The following TRIM9 variants were observed in gnomAD, a reference collection of about 807,000 sequenced individuals.
The protein encoded by TRIM9 is E3 ubiquitin-protein ligase TRIM9.
In TRIM9, 26 loss-of-function variants were observed where a neutral mutation model predicts 78.3. The observed-to-expected ratio is 0.33, with a 90% CI of 0.24 to 0.46. The LOEUF (loss-of-function observed/expected upper bound fraction) is 0.46. Ranked by LOEUF, TRIM9 falls within the 20% of genes least tolerant of loss-of-function variation. TRIM9 has a pLI of 1.00. For missense variants in TRIM9, 787 were observed against 1,036.4 expected, an observed-to-expected ratio of 0.76 and a Z score of 3.30; for synonymous variants, 398 against 416.5, an observed-to-expected ratio of 0.96 and a Z score of 0.54.
intron 1 of TRIM9, among the ~76,000 whole-genome samples, chr14:51,042,462 G>T (rs1489689102): frequency 1.3e-5 from 2 of 152,110 alleles, no homozygotes; most frequent in Non-Finnish European, 2.9e-5. Context: ...CTAAACCAAA[G>T]ATTTCCCTTT....
chr14:51,028,581 G>A (rs1018205222), intron 1 of TRIM9, among the ~76,000 whole-genome samples: 2 of 152,230 alleles, frequency 1.3e-5, no homozygotes, highest in Non-Finnish European at 2.9e-5. Flanking sequence ...CAAATATGTA[G>A]TATGTGTTTT....
chr14:51,038,081 A>C (rs2059304211), intron 1 of TRIM9, among the ~76,000 whole-genome samples: 2 of 152,190 alleles, frequency 1.3e-5, no homozygotes, highest in African/African-American at 2.4e-5. Flanking sequence ...GTGATTTTGC[A>C]GATGTGATTA....
At chr14:51,003,463 A>G (rs2055351058) in intron 5 of TRIM9, among the ~76,000 whole-genome samples, 1 of 152,248 alleles carries the variant, frequency 6.6e-6, no homozygotes, top group Admixed American at 6.5e-5. Flanking sequence ...GAATAAGATC[A>G]CAGATGGTTT....
In TRIM9 at chr14:50,975,947, C is replaced by T. The variant is rs1386826604; in HGVS notation, c.*1344G>A. The T allele has an allele frequency of 6.6e-6, 1 of 152,540 alleles. No homozygotes were observed. Among genetic ancestry groups the T allele is most frequent in the African/African-American group, 2.4e-5 (1 of 41,428 alleles). 9.4% of individuals were successfully genotyped at this position (152,540 alleles called of 1,614,324 possible). The stretch of plus-strand genomic sequence containing the variant: ...TTTCCAAACATTGTTTGGACTACTC[C>T]AGAAAATTAGGCTGTGAATGGCAGC... On this transcript the variant is annotated 3_prime_UTR_variant, in exon 13 of 13. Coordinates refer to ENST00000684578, the MANE Select transcript of TRIM9 (RefSeq NM_001387360.1).
rs779193293 is a variant in TRIM9, at chr14:51,094,978, G to T, written c.-39C>A. 20 of 1,377,896 alleles carry T rather than the reference G, an allele frequency of 1.5e-5. No homozygotes were observed. Among genetic ancestry groups the T allele is most frequent in the Non-Finnish European group, 1.9e-6 (2 of 1,061,210 alleles). The allele number at this position is 1,377,896 out of a possible 1,614,324, so 85.4% of individuals were successfully genotyped here. A position where few individuals can be genotyped will look rare whatever the true frequency, so the allele number is the denominator to read the frequency against. On this transcript the variant is annotated 5_prime_UTR_variant, in exon 1 of 13. Transcript: ENST00000684578. ...GGAGGAGACAGCGACGGCTGCAGCG[G>T]GTGCCTGAGCTGGCGAGGTGGCCGA...
chr14:50,982,849 G>A (rs1019151368), intron 10 of TRIM9, 93 bp downstream of exon 10: 27 of 1,207,738 alleles, frequency 2.2e-5, no homozygotes, highest in East Asian at 1.0e-4. Context: ...TATCACACTC[G>A]AGAGATGTAA....
chr14:51,060,505 C>T (rs1209098361), intron 1 of TRIM9, among the ~76,000 whole-genome samples: 1 of 151,918 alleles, frequency 6.6e-6, no homozygotes, highest in Non-Finnish European at 1.5e-5. Context: ...CTTGCTCTGT[C>T]GCCCAGGCTG....
Position 51,009,181 on chromosome 14 carries a change from T to C in TRIM9, c.1205A>G (p.Lys402Arg), listed in dbSNP as rs1487120818. 3.1e-6 allele frequency: 5 copies of C among 1,613,936 alleles called. No homozygotes were observed. Among genetic ancestry groups the C allele is most frequent in the Non-Finnish European group, 4.2e-6 (5 of 1,179,954 alleles). ...GGTCATCCTTGGAGTGAGTGTGCCT[T>C]TACCCCACTGATCCTCAGTCAGGTG... The part of the protein sequence containing the change: ...RVHLTEDQWG[K>R]GTLTPRMTTD... Residue 402 changes from lysine (K) to arginine (R), a missense_variant, in exon 5 of 13, where the codon AAA (lysine) becomes AGA (arginine). Coordinates refer to ENST00000684578, the MANE Select transcript of TRIM9 (RefSeq NM_001387360.1).
chr14:50,999,397 A>G (rs1408318121), intron 6 of TRIM9, among the ~76,000 whole-genome samples: 1 of 152,014 alleles, frequency 6.6e-6, no homozygotes. Context: ...CACACACTGC[A>G]AAAGACATGA....
chr14:51,080,075 A>AG (rs2063157766), intron 1 of TRIM9, among the ~76,000 whole-genome samples: 1 of 152,210 alleles, frequency 6.6e-6, no homozygotes, highest in African/African-American at 2.4e-5. Flanking sequence ...AGCCAATCCA[A>AG]GGGGACAGTC....
At position 51,094,581 on chromosome 14, in the gene TRIM9, A is replaced by C; in HGVS notation, c.359T>G (p.Val120Gly). ...GCAGGTGATACAGGAGTTGCGGGGC[A>C]CCGGGGCCAGGGCCGGTGACAAGTG... is the stretch of plus-strand genomic sequence containing the variant. ...ATHLSPALAP[V>G]PRNSCITCPQ... is the part of the protein sequence containing the mutation. Residue 120 changes from valine to glycine, a missense_variant, in exon 1 of 13, where the codon GTG becomes GGG. Transcript: ENST00000684578. 1 of 1,611,984 alleles carries C rather than the reference A, an allele frequency of 6.2e-7. No homozygotes were observed. The highest frequency in any genetic ancestry group is 8.5e-7 in the Non-Finnish European group (1 of 1,179,408).
intron 1 of TRIM9, among the ~76,000 whole-genome samples, chr14:51,036,214 C>T (rs769440984): frequency 2.0e-5 from 3 of 152,194 alleles, no homozygotes; most frequent in African/African-American, 4.8e-5. Flanking sequence ...ACATCTCTTC[C>T]ATATTAGCAA....
intron 6 of TRIM9, 103 bp downstream of exon 6, chr14:51,000,580 G>A: frequency 6.8e-7 from 1 of 1,480,232 alleles, no homozygotes; most frequent in Non-Finnish European, 9.2e-7. Flanking sequence ...AGGATGGCCT[G>A]TCCCCAGGAG....
chr14:50,986,856 A>T (rs1398172287), intron 7 of TRIM9, among the ~76,000 whole-genome samples: 1 of 152,226 alleles, frequency 6.6e-6, no homozygotes, highest in Non-Finnish European at 1.5e-5. Context: ...GGTGAGGTGC[A>T]TTGGTGGCAA....
chr14:50,978,795 C>A, intron 12 of TRIM9: 3 of 608,932 alleles, frequency 4.9e-6, no homozygotes, highest in Non-Finnish European at 6.2e-6. Context: ...GTATCCCAGA[C>A]ACTTATAACT....
intron 3 of TRIM9, among the ~76,000 whole-genome samples, chr14:51,020,605 G>T (rs1321782376): frequency 6.6e-6 from 1 of 152,230 alleles, no homozygotes. Flanking sequence ...GAGGAGGGAA[G>T]AGGACATAGT....
chr14:51,092,694 T>A lies in TRIM9; in HGVS notation c.822+1424A>T, dbSNP rs563196418. Among the ~76,000 whole-genome samples the A allele has an allele frequency of 4.6e-5, 7 of 152,188 alleles. No homozygotes were observed. In the South Asian group the frequency reaches 1.2e-3, roughly 27 times the overall value. The stretch of plus-strand genomic sequence containing the variant: ...AAATTCATGCACATCTCCTCAAGAG[T>A]TGCTCCCTTCCTTCTAAGCAGTGTG... On this transcript the variant is annotated intron_variant, in intron 1 of 12. Transcript: ENST00000684578.
At chr14:50,988,684 C>G (rs900757567) in intron 7 of TRIM9, among the ~76,000 whole-genome samples, 1 of 151,846 alleles carries the variant, frequency 6.6e-6, no homozygotes, top group Non-Finnish European at 1.5e-5. Flanking sequence ...CAAAAAAATC[C>G]TACCTTGCAA....
At chr14:50,993,279 A>G (rs2053757872) in intron 7 of TRIM9, among the ~76,000 whole-genome samples, 2 of 152,176 alleles carry the variant, frequency 1.3e-5, no homozygotes, top group South Asian at 4.1e-4. Flanking sequence ...AAATGAGCAC[A>G]GGACCTGATA....
Sources: allele counts gnomAD v4.1 joint callset (sites outside exome capture counted in the v4.1 genomes callset), GRCh38; gene constraint gnomAD v4.1.1; transcripts MANE v1.5; gene names NCBI Gene and HGNC (gene_info 2026-07-23, HGNC 2026-07-21).